MIPEP: variants seen among roughly 807,000 people sequenced by gnomAD.
MIPEP encodes mitochondrial intermediate peptidase.
In MIPEP, 79 loss-of-function variants were observed where a neutral mutation model predicts 90.3. That is an observed-to-expected ratio of 0.87 (90% CI 0.73 to 1.05). The LOEUF (loss-of-function observed/expected upper bound fraction) is 1.05, where lower values mean the gene tolerates loss of function less well. MIPEP is among the 50% of genes least tolerant of loss of function. The pLI is 0.00. For synonymous variants in MIPEP, 334 were observed against 315.8 expected, an observed-to-expected ratio of 1.06 and a Z score of -0.61; for missense variants, 940 against 905.6, an observed-to-expected ratio of 1.04 and a Z score of -0.49.
chr13:23,886,738 A>C (rs1225868409), intron 1 of MIPEP, among the ~76,000 whole-genome samples: 1 of 152,186 alleles, frequency 6.6e-6, no homozygotes, highest in Admixed American at 6.5e-5. Context: ...TTTCCGGAAA[A>C]AACAACAACA....
rs1953103365 is a variant in MIPEP at position 23,806,056 on chromosome 13, G to C, written c.1742C>G (p.Thr581Ser). 1 of 1,613,940 alleles carries C rather than the reference G, an allele frequency of 6.2e-7. No individual in the cohort carries two copies. The highest frequency in any genetic ancestry group is 8.5e-7 in the Non-Finnish European group (1 of 1,179,942). ...ADMQLQVFYATLDQIYHGKHP... is the reference protein window; with the variant it reads ...ADMQLQVFYASLDQIYHGKHP... ...CTTCCCATGGTAGATTTGATCCAGA[G>C]TGGCATAAAAGACCTAGATAGATAA... The change falls in exon 16 of 19, where the codon ACT becomes AGT. Residue 581 changes from threonine (T) to serine (S), a missense_variant. Coordinates refer to ENST00000382172, the MANE Select transcript of MIPEP (RefSeq NM_005932.4).
intron 14 of MIPEP, among the ~76,000 whole-genome samples, chr13:23,832,870 G>T (rs556810521): frequency 1.3e-5 from 2 of 152,174 alleles, no homozygotes; most frequent in African/African-American, 4.8e-5. Context: ...TTGTCAAGAC[G>T]TTCTGAATCT....
intron 16 of MIPEP, among the ~76,000 whole-genome samples, chr13:23,788,607 CAATT>C: frequency 1.3e-5 from 2 of 152,316 alleles, no homozygotes; most frequent in South Asian, 4.1e-4. Context: ...CATGAAAGTG[CAATT>C]CTACCATGGG....
At chr13:23,844,660 CCTT>C (rs1296640127) in intron 10 of MIPEP, among the ~76,000 whole-genome samples, 9 of 151,894 alleles carry the variant, frequency 5.9e-5, no homozygotes, top group Non-Finnish European at 7.4e-5. Flanking sequence ...AAAATTCTAC[CCTT>C]CTTAAGATTA....
chr13:23,854,099 G>A (rs1355672054), intron 10 of MIPEP, among the ~76,000 whole-genome samples: 1 of 151,596 alleles, frequency 6.6e-6, no homozygotes, highest in Non-Finnish European at 1.5e-5. Flanking sequence ...GCCGAGGTGG[G>A]CGGATCACAA....
At chr13:23,766,589 T>C (rs1952593235) in intron 16 of MIPEP, among the ~76,000 whole-genome samples, 1 of 152,194 alleles carries the variant, frequency 6.6e-6, no homozygotes, top group South Asian at 2.1e-4. Flanking sequence ...TCTCTCTCAC[T>C]CACTCTCTCA....
chr13:23,738,485 T>A (rs1204178607), intron 18 of MIPEP, among the ~76,000 whole-genome samples: 2 of 151,352 alleles, frequency 1.3e-5, no homozygotes, highest in African/African-American at 4.9e-5. Flanking sequence ...GGTGTCACTC[T>A]GTCACTCAGG....
chr13:23,829,892 A>G (rs1218496950), intron 14 of MIPEP, among the ~76,000 whole-genome samples: 3 of 152,276 alleles, frequency 2.0e-5, no homozygotes, highest in African/African-American at 7.2e-5. Flanking sequence ...CTGCTAATTA[A>G]GACCACAATA....
intron 16 of MIPEP, among the ~76,000 whole-genome samples, chr13:23,786,497 A>C (rs1325854786): frequency 6.6e-6 from 1 of 152,184 alleles, no homozygotes; most frequent in Non-Finnish European, 1.5e-5. Context: ...TAAAAGATGA[A>C]AGACAAATAA....
intron 9 of MIPEP, among the ~76,000 whole-genome samples, chr13:23,861,378 A>G (rs1870297416): frequency 6.6e-6 from 1 of 152,206 alleles, no homozygotes; most frequent in South Asian, 2.1e-4. Flanking sequence ...TTCCCAAATA[A>G]GCCTACCTAC....
At chr13:23,775,954 TC>T (rs1416088477) in intron 16 of MIPEP, among the ~76,000 whole-genome samples, 2 of 151,986 alleles carry the variant, frequency 1.3e-5, no homozygotes, top group African/African-American at 2.4e-5. Context: ...TAAAATGTTA[TC>T]AAAATGATGT....
intron 14 of MIPEP, among the ~76,000 whole-genome samples, chr13:23,832,435 A>C (rs1702962634): frequency 1.3e-5 from 2 of 152,174 alleles, no homozygotes; most frequent in Non-Finnish European, 2.9e-5. Flanking sequence ...TATAGCTATT[A>C]AATATAAATA....
intron 14 of MIPEP, among the ~76,000 whole-genome samples, chr13:23,835,256 G>A (rs3929746): frequency 0.99 from 149,835 of 152,084 alleles, 73,860 homozygotes; most frequent in East Asian, 1. Flanking sequence ...CCCAAGCTCA[G>A]GTGATCCACC....
chr13:23,871,475 T>A (rs1870804872), intron 5 of MIPEP, among the ~76,000 whole-genome samples: 1 of 152,186 alleles, frequency 6.6e-6, no homozygotes, highest in Admixed American at 6.5e-5. Flanking sequence ...AATTTTCAGT[T>A]ACTGGTTACC....
At chr13:23,736,075 T>C (rs1002466599) in intron 18 of MIPEP, among the ~76,000 whole-genome samples, 1 of 152,186 alleles carries the variant, frequency 6.6e-6, no homozygotes, top group Non-Finnish European at 1.5e-5. Context: ...AGGGTGACGA[T>C]TAAAATTGTA....
rs528320836 is a variant in MIPEP at position 23,784,169 on chromosome 13, C to G, written c.1848+21781G>C. On this transcript the variant is annotated intron_variant, in intron 16 of 18. Transcript: ENST00000382172. ...GTTCATATGGAACCAAAAAAGAGCC[C>G]GCATTGCCAAGACAATCCTAAGCCA... Among the ~76,000 whole-genome samples the G allele has an allele frequency of 2.0e-4, 31 of 152,148 alleles. No homozygotes were observed. The South Asian group carries it at 4.6e-3, about 22-fold the overall frequency.
chr13:23,767,203 C>A (rs1485693908), intron 16 of MIPEP, among the ~76,000 whole-genome samples: 2 of 152,164 alleles, frequency 1.3e-5, no homozygotes, highest in Non-Finnish European at 2.9e-5. Context: ...CTTGTGTGAC[C>A]CCCAGGCACA....
chr13:23,832,766 T>A, intron 14 of MIPEP, among the ~76,000 whole-genome samples: 1 of 90,778 alleles, frequency 1.1e-5, no homozygotes, highest in Non-Finnish European at 2.7e-5. Context: ...TCTAAACACC[T>A]GAACTGCAGC....
chr13:23,875,525 A>G (rs1007630284), intron 4 of MIPEP, among the ~76,000 whole-genome samples: 11 of 148,006 alleles, frequency 7.4e-5, no homozygotes, highest in African/African-American at 2.7e-4. Flanking sequence ...TTTCAAGTGT[A>G]ACACCTTTTT....
Sources: gnomAD v4.1 joint callset for allele counts (sites outside exome capture counted in the v4.1 genomes callset) on GRCh38, gnomAD v4.1.1 for gene constraint, MANE v1.5 for transcripts, NCBI Gene and HGNC (gene_info 2026-07-23, HGNC 2026-07-21) for gene names.